Variants in MYO16 observed in about 807,000 individuals in gnomAD.
MYO16 encodes myosin XVI, also known as unconventional myosin-XVI.
A neutral mutation model predicts 205.3 loss-of-function variants in MYO16; 94 were observed. The ratio of observed to expected loss-of-function variants is 0.46; its 90% CI spans 0.39 to 0.54. The LOEUF (loss-of-function observed/expected upper bound fraction) is 0.54. Ranked by LOEUF, MYO16 falls within the 20% of genes least tolerant of loss-of-function variation. The probability of loss-of-function intolerance (pLI) is 0.00; values close to 1 mark genes in which losing one functional copy is unlikely to be tolerated. For missense variants in MYO16, 2,315 were observed against 2,387.5 expected (o/e 0.97, Z 0.63); for synonymous variants, 988 against 954.0 (o/e 1.04, Z -0.66).
Position 109,001,934 on chromosome 13 carries a change from G to C in MYO16, c.2443-6963G>C, listed in dbSNP as rs199827332. On this transcript the variant is annotated intron_variant, in intron 21 of 34. Transcript: ENST00000457511. ...CACTATTCCTTCTCTCTCTCTCTGT[G>C]TGTCTGTCTCATGTGAACACACACA... Among the ~76,000 whole-genome samples the C allele has an allele frequency of 4.9e-4, 69 of 141,538 alleles. 2 individuals carry two copies. In the South Asian group the frequency reaches 0.012, roughly 26 times the overall value. 92.9% of individuals were successfully genotyped at this position (141,538 alleles called of 152,430 possible).
chr13:108,596,807 T>G (rs540836883), intron 1 of MYO16, among the ~76,000 whole-genome samples: 1 of 152,314 alleles, frequency 6.6e-6, no homozygotes, highest in South Asian at 2.1e-4. Flanking sequence ...GTTGTCTGAA[T>G]TTTTCAGCCT....
intron 2 of MYO16, among the ~76,000 whole-genome samples, chr13:108,679,482 A>T (rs1882367948): frequency 6.6e-6 from 1 of 152,090 alleles, no homozygotes; most frequent in Non-Finnish European, 1.5e-5. Context: ...GTGATCAATA[A>T]TATTTGCTCA....
intron 10 of MYO16, among the ~76,000 whole-genome samples, chr13:108,850,700 C>T (rs1188805618): frequency 2.0e-5 from 3 of 152,150 alleles, no homozygotes; most frequent in Non-Finnish European, 4.4e-5. Flanking sequence ...AGAATCTGCT[C>T]CTTTGATAGC....
chr13:108,975,905 G>A (rs1181378937), intron 20 of MYO16, among the ~76,000 whole-genome samples: 1 of 152,126 alleles, frequency 6.6e-6, no homozygotes, highest in Non-Finnish European at 1.5e-5. Context: ...ATGATTGTTA[G>A]TAGTATGGAG....
chr13:108,529,255 A>G, the MYO16 span, among the ~76,000 whole-genome samples: 3 of 152,144 alleles, frequency 2.0e-5, no homozygotes, highest in African/African-American at 7.2e-5. Context: ...CATGAGGATC[A>G]CTAGGGCATT....
intron 22 of MYO16, among the ~76,000 whole-genome samples, chr13:109,015,609 T>C (rs888297670): frequency 8.5e-5 from 13 of 152,204 alleles, no homozygotes; most frequent in Non-Finnish European, 1.6e-4. Flanking sequence ...TTTTGGTTTG[T>C]AGGCTATTAA....
intron 27 of MYO16, among the ~76,000 whole-genome samples, chr13:109,059,961 G>T (rs1213886399): frequency 1.3e-5 from 2 of 152,092 alleles, no homozygotes; most frequent in African/African-American, 4.8e-5. Context: ...AGTTAGAATG[G>T]TGATCATTAA....
intron 7 of MYO16, among the ~76,000 whole-genome samples, chr13:108,809,697 C>CAAG (rs1324032988): frequency 1.3e-5 from 2 of 152,194 alleles, no homozygotes; most frequent in African/African-American, 4.8e-5. Flanking sequence ...GCCACGCTTC[C>CAAG]AACACTGGGG....
At chr13:108,825,778 C>G (rs542213881) in intron 9 of MYO16, among the ~76,000 whole-genome samples, 22 of 151,656 alleles carry the variant, frequency 1.5e-4, no homozygotes, top group Non-Finnish European at 2.7e-4. Flanking sequence ...ATCTGTATTT[C>G]TATACACAGC....
At chr13:109,118,689 A>G (rs1875841281) in intron 28 of MYO16, among the ~76,000 whole-genome samples, 1 of 152,114 alleles carries the variant, frequency 6.6e-6, no homozygotes, top group Non-Finnish European at 1.5e-5. Context: ...CCTCCTTTCC[A>G]ATGCCTGTCT....
intron 23 of MYO16, among the ~76,000 whole-genome samples, chr13:109,038,780 C>A (rs1348626504): frequency 1.3e-5 from 2 of 151,728 alleles, no homozygotes; most frequent in African/African-American, 2.4e-5. Flanking sequence ...TTTAAAGAAT[C>A]TTTTTAGTTA....
intron 12 of MYO16, among the ~76,000 whole-genome samples, chr13:108,880,976 G>A (rs994145623): frequency 2.0e-5 from 3 of 152,144 alleles, no homozygotes; most frequent in East Asian, 1.9e-4. Flanking sequence ...ATCTGAGAAC[G>A]GACAGACTGA....
chr13:108,889,820 T>C (rs992875757), intron 14 of MYO16, among the ~76,000 whole-genome samples: 1 of 152,244 alleles, frequency 6.6e-6, no homozygotes, highest in African/African-American at 2.4e-5. Context: ...CCTCTCATTC[T>C]TAAGATGCAG....
chr13:108,933,497 ATGTGTGTGTG>A (rs34277540), intron 16 of MYO16, among the ~76,000 whole-genome samples: 1 of 149,628 alleles, frequency 6.7e-6, no homozygotes, highest in Non-Finnish European at 1.5e-5. Flanking sequence ...GATTATTTGG[ATGTGTGTGTG>A]TGTGTGTGTG....
chr13:108,720,245 G>A (rs554561278), intron 3 of MYO16, among the ~76,000 whole-genome samples: 35 of 152,304 alleles, frequency 2.3e-4, no homozygotes, highest in African/African-American at 5.8e-4. Flanking sequence ...AGAAGTGGAC[G>A]AGAGTTTGCA....
chr13:108,782,131 G>A (rs71435302), intron 4 of MYO16, among the ~76,000 whole-genome samples: 12,017 of 152,276 alleles, frequency 0.079, 613 homozygotes, highest in Non-Finnish European at 0.12. Flanking sequence ...CTCAGAAGAA[G>A]ACAGGAAAAT....
chr13:109,127,308 A>C lies in MYO16; in HGVS notation c.3809A>C (p.His1270Pro), dbSNP rs1876301029. 1.3e-6 allele frequency: 2 copies of C among 1,597,384 alleles called. No homozygotes were observed. Among genetic ancestry groups the C allele is most frequent in the Non-Finnish European group, 1.7e-6 (2 of 1,167,734 alleles). The change falls in exon 31 of 35, where the codon CAT (histidine) becomes CCT (proline). Residue 1270 changes from histidine (H) to proline (P), a missense_variant. Physicochemically the swap from His to Pro is moderately conservative, Grantham distance 77. Transcript: ENST00000457511. The surrounding 1 kb of genome is among the most constrained non-coding windows in gnomAD (Gnocchi z 4.2). ...ACCGATGACAAGAGTGGACCCAGGC[A>C]TTTCCACCCCAGCTCCATGTCAGTC... ...KRTDDKSGPRHFHPSSMSVCA... is the reference protein window; with the variant it reads ...KRTDDKSGPRPFHPSSMSVCA...
intron 1 of MYO16, among the ~76,000 whole-genome samples, chr13:108,614,297 C>T (rs956593313): frequency 1.6e-4 from 25 of 152,016 alleles, no homozygotes; most frequent in Admixed American, 1.0e-3. Context: ...ACATTTAAAA[C>T]TATGAACTAT....
intron 9 of MYO16, among the ~76,000 whole-genome samples, chr13:108,826,307 A>C (rs1181841187): frequency 1.3e-5 from 2 of 152,178 alleles, no homozygotes; most frequent in Non-Finnish European, 2.9e-5. Flanking sequence ...GAATGCCAAG[A>C]TGATTCTATG....
Sources: allele counts gnomAD v4.1 joint callset (sites outside exome capture counted in the v4.1 genomes callset), GRCh38; gene constraint gnomAD v4.1.1; non-coding constraint Gnocchi (gnomAD v3.1); transcripts MANE v1.5; gene names NCBI Gene and HGNC (gene_info 2026-07-23, HGNC 2026-07-21).